The following TRHDE variants were observed in gnomAD, a reference collection of about 807,000 sequenced individuals.
TRHDE encodes thyrotropin releasing hormone degrading enzyme, also known as thyrotropin-releasing hormone-degrading ectoenzyme.
A neutral mutation model predicts 125.7 loss-of-function variants in TRHDE; 72 were observed. The ratio of observed to expected loss-of-function variants is 0.57; its 90% CI spans 0.47 to 0.70. The LOEUF is 0.70. Ranked by LOEUF, TRHDE falls within the 30% of genes least tolerant of loss-of-function variation. The pLI is 0.00. For missense variants in TRHDE, 1,110 were observed against 1,327.1 expected, an observed-to-expected ratio of 0.84 and a Z score of 2.54; for synonymous variants, 509 against 509.1, an observed-to-expected ratio of 1.00 and a Z score of 0.00.
intron 3 of TRHDE, among the ~76,000 whole-genome samples, chr12:72,453,527 C>T (rs971283323): frequency 2.6e-5 from 4 of 152,102 alleles, no homozygotes; most frequent in Non-Finnish European, 5.9e-5. Context: ...AAGAAAAGCC[C>T]ATTTTCAGGA....
chr12:72,223,975 G>A (rs915875156), intron 2 of TRHDE, among the ~76,000 whole-genome samples: 3 of 151,676 alleles, frequency 2.0e-5, no homozygotes, highest in Non-Finnish European at 2.9e-5. Context: ...GAGGCCAGAC[G>A]TAAAGGACGG....
At chr12:72,099,058 G>A (rs576371524) in intron 1 of TRHDE, among the ~76,000 whole-genome samples, 4 of 152,032 alleles carry the variant, frequency 2.6e-5, no homozygotes, top group South Asian at 2.1e-4. Flanking sequence ...CCAGCTGCTC[G>A]GGAGGCTGAG....
chr12:72,410,392 A>G (rs1873444683), intron 3 of TRHDE, among the ~76,000 whole-genome samples: 1 of 152,240 alleles, frequency 6.6e-6, no homozygotes, highest in Admixed American at 6.5e-5. Context: ...TTCCCAATTT[A>G]TTTTATGAGG....
chr12:72,624,293 G>A (rs760076472), intron 15 of TRHDE, among the ~76,000 whole-genome samples: 4 of 151,746 alleles, frequency 2.6e-5, no homozygotes, highest in Non-Finnish European at 5.9e-5. Context: ...AGTAATCCTT[G>A]TTTGTTTGCT....
intron 15 of TRHDE, among the ~76,000 whole-genome samples, chr12:72,631,779 T>C (rs766796649): frequency 2.0e-4 from 30 of 151,934 alleles, no homozygotes; most frequent in Non-Finnish European, 3.8e-4. Flanking sequence ...AAACTTTTAA[T>C]TGAGAAAAAT....
At chr12:72,256,855 G>A (rs975485343) in intron 2 of TRHDE, 2 of 152,226 alleles carry the variant, frequency 1.3e-5, no homozygotes, top group African/African-American at 4.8e-5. Flanking sequence ...CATCAGCACA[G>A]AGATGAAGCT....
intron 2 of TRHDE, among the ~76,000 whole-genome samples, chr12:72,215,831 A>G (rs1415556850): frequency 6.6e-6 from 1 of 152,120 alleles, no homozygotes; most frequent in African/African-American, 2.4e-5. Flanking sequence ...GAGTCTGACA[A>G]TTTGGAAACG....
At chr12:72,591,772 G>T (rs1276591010) in intron 12 of TRHDE, among the ~76,000 whole-genome samples, 1 of 151,088 alleles carries the variant, frequency 6.6e-6, no homozygotes, top group Non-Finnish European at 1.5e-5. Flanking sequence ...TAGAACTATG[G>T]ATTGATGGTG....
At chr12:72,219,200 C>T (rs1476524574) in intron 2 of TRHDE, among the ~76,000 whole-genome samples, 4 of 150,680 alleles carry the variant, frequency 2.7e-5, no homozygotes, top group Non-Finnish European at 5.9e-5. Context: ...AAAGACTGTA[C>T]TAATGCAATC....
chr12:72,164,449 C>T (rs575812214), intron 2 of TRHDE, among the ~76,000 whole-genome samples: 2 of 152,242 alleles, frequency 1.3e-5, no homozygotes, highest in South Asian at 2.1e-4. Flanking sequence ...GAAAATGAGA[C>T]ATGGGGTTTT....
chr12:72,271,099 TA>T (rs1879190540), upstream of TRHDE, among the ~76,000 whole-genome samples: 1 of 152,252 alleles, frequency 6.6e-6, no homozygotes, highest in Non-Finnish European at 1.5e-5. Context: ...TGTTACACTG[TA>T]GACATTGTGT....
At chr12:72,490,497 G>A (rs1473972092) in intron 5 of TRHDE, among the ~76,000 whole-genome samples, 1 of 151,580 alleles carries the variant, frequency 6.6e-6, no homozygotes, top group South Asian at 2.1e-4. Context: ...TGGAATCACC[G>A]TCTTGTAAAG....
intron 2 of TRHDE, among the ~76,000 whole-genome samples, chr12:72,203,846 A>G (rs1370359596): frequency 6.6e-6 from 1 of 152,176 alleles, no homozygotes; most frequent in Non-Finnish European, 1.5e-5. Context: ...TAGGCCAGAC[A>G]CATTCTTTTT....
intron 5 of TRHDE, among the ~76,000 whole-genome samples, chr12:72,488,853 TG>T (rs1877531727): frequency 6.6e-6 from 1 of 151,676 alleles, no homozygotes; most frequent in Non-Finnish European, 1.5e-5. Flanking sequence ...CAGATAATTG[TG>T]AAAAATTCAC....
chr12:72,630,131 C>A (rs1385279359), intron 15 of TRHDE, among the ~76,000 whole-genome samples: 1 of 151,492 alleles, frequency 6.6e-6, no homozygotes, highest in Non-Finnish European at 1.5e-5. Context: ...TTAAAGCACA[C>A]CCACATACAT....
chr12:72,625,663 T>C (rs1420291283), intron 15 of TRHDE, among the ~76,000 whole-genome samples: 7 of 151,874 alleles, frequency 4.6e-5, no homozygotes, highest in Admixed American at 4.6e-4. Flanking sequence ...GTGCTTTTTG[T>C]GTATTATCTC....
chr12:72,290,717 T>G (rs1221837352), intron 2 of TRHDE, among the ~76,000 whole-genome samples: 2 of 152,218 alleles, frequency 1.3e-5, no homozygotes, highest in African/African-American at 4.8e-5. Context: ...CAGCCATATA[T>G]CCACGTGTGG....
intron 1 of TRHDE, among the ~76,000 whole-genome samples, chr12:72,094,523 C>A (rs1341249546): frequency 2.0e-5 from 3 of 152,238 alleles, no homozygotes; most frequent in East Asian, 3.8e-4. Flanking sequence ...GGCCTGCCTG[C>A]AGGGACACAG....
intron 2 of TRHDE, among the ~76,000 whole-genome samples, chr12:72,364,277 G>A (rs1002729339): frequency 6.6e-6 from 1 of 151,986 alleles, no homozygotes; most frequent in African/African-American, 2.4e-5. Flanking sequence ...TGGACAAGTG[G>A]CTGTTCCTGG....
Sources: allele counts gnomAD v4.1 joint callset (sites outside exome capture counted in the v4.1 genomes callset), GRCh38; gene constraint gnomAD v4.1.1; transcripts MANE v1.5; gene names NCBI Gene and HGNC (gene_info 2026-07-23, HGNC 2026-07-21).